Variants in VSTM4 observed in about 807,000 individuals in gnomAD.
The protein encoded by VSTM4 is V-set and transmembrane domain-containing protein 4.
In VSTM4, 20 loss-of-function variants were observed where a neutral mutation model predicts 36.4. The ratio of observed to expected loss-of-function variants is 0.55; its 90% confidence interval spans 0.39 to 0.80. The LOEUF is 0.80. Ranked by LOEUF, VSTM4 falls within the 30% of genes least tolerant of loss-of-function variation. The pLI is 0.00. For missense variants in VSTM4, 392 were observed against 404.5 expected (o/e 0.97, Z 0.26); for synonymous variants, 182 against 173.9 (o/e 1.05, Z -0.37).
Position 49,018,457 on chromosome 10 carries a change from A to C in VSTM4, c.*1193T>G, listed in dbSNP as rs1343946831. The C allele has an allele frequency of 6.6e-6, 1 of 152,232 alleles. No individual in the cohort carries two copies. Among genetic ancestry groups the C allele is most frequent in the Non-Finnish European group, 1.5e-5 (1 of 68,032 alleles). 9.4% of individuals were successfully genotyped at this position (152,232 alleles called of 1,614,324 possible). On this transcript the variant is annotated 3_prime_UTR_variant, in exon 8 of 8. Coordinates refer to ENST00000332853, the MANE Select transcript of VSTM4 (RefSeq NM_001031746.5). ...CTCATACCCCAGCTGTGTTTAAAAT[A>C]GATAATTTATCATATATACATGGTC... is the stretch of plus-strand genomic sequence containing the variant.
chr10:49,081,805 G>A (rs1310832407), intron 3 of VSTM4, among the ~76,000 whole-genome samples: 4 of 152,206 alleles, frequency 2.6e-5, no homozygotes, highest in Admixed American at 1.3e-4. Context: ...ACCGGTCATG[G>A]CCACTCTCTG....
chr10:49,069,995 G>A lies in VSTM4; in HGVS notation c.635-5259C>T, dbSNP rs935496032. ...CGGCCGGGCGCGGTGGCTCACGCCT[G>A]TAATCCCAGCACTTTGGGAGGCCGA... On this transcript the variant is annotated intron_variant, in intron 4 of 7. Transcript: ENST00000332853. Among the ~76,000 whole-genome samples, 2 of 61,974 alleles carry A rather than the reference G, an allele frequency of 3.2e-5. 1 individual carries two copies. The highest frequency in any genetic ancestry group is 6.1e-5 in the Non-Finnish European group (2 of 32,834). 40.7% of individuals were successfully genotyped at this position (61,974 alleles called of 152,430 possible). A position where few individuals can be genotyped will look rare whatever the true frequency, so the allele number is the denominator to read the frequency against.
intron 3 of VSTM4, among the ~76,000 whole-genome samples, chr10:49,079,456 G>C (rs547809967): frequency 3.7e-4 from 57 of 152,294 alleles, no homozygotes; most frequent in Non-Finnish European, 7.2e-4. Context: ...AAGTGAAAAG[G>C]GAAGCCAAAA....
At chr10:49,040,138 C>G (rs545202700) in intron 7 of VSTM4, among the ~76,000 whole-genome samples, 3 of 152,308 alleles carry the variant, frequency 2.0e-5, no homozygotes, top group Non-Finnish European at 4.4e-5. Flanking sequence ...CAGTGTCAGA[C>G]AGAAAGCGCC....
intron 7 of VSTM4, among the ~76,000 whole-genome samples, chr10:49,021,130 C>G (rs1000208522): frequency 6.6e-6 from 1 of 150,450 alleles, no homozygotes; most frequent in Non-Finnish European, 1.5e-5. Context: ...TTATTCAAAT[C>G]TAGTGATATT....
In VSTM4 at chr10:49,017,836, A is replaced by C. The variant is rs1843125854; in HGVS notation, c.*1814T>G. 6.6e-6 allele frequency: 1 copy of C among 152,234 alleles called. No individual in the cohort carries two copies. The highest frequency in any genetic ancestry group is 2.1e-4 in the South Asian group (1 of 4,826). The allele number at this position is 152,234 out of a possible 1,614,324, so 9.4% of individuals were successfully genotyped here. On this transcript the variant is annotated 3_prime_UTR_variant, in exon 8 of 8. Coordinates refer to ENST00000332853, the MANE Select transcript of VSTM4 (RefSeq NM_001031746.5). ...GTCAGAACACTGCCATGATAAAATTAAAAATCCCTGTGATAATTATTATAT... is the reference window on the plus strand; with the variant it reads ...GTCAGAACACTGCCATGATAAAATTCAAAATCCCTGTGATAATTATTATAT...
chr10:49,042,487 T>C (rs1287105961), intron 7 of VSTM4, among the ~76,000 whole-genome samples: 6 of 152,174 alleles, frequency 3.9e-5, no homozygotes, highest in African/African-American at 1.4e-4. Flanking sequence ...GGATCACATA[T>C]AGAGAGCAGC....
At chr10:49,020,751 G>GGAA (rs1457950473) in intron 7 of VSTM4, among the ~76,000 whole-genome samples, 1 of 141,324 alleles carries the variant, frequency 7.1e-6, no homozygotes, top group African/African-American at 2.6e-5. Context: ...AAGGAAGGAA[G>GGAA]GGAGGGAGGG....
At chr10:49,094,769 ATTCTCAGTG>A (rs67416639) in intron 2 of VSTM4, among the ~76,000 whole-genome samples, 14,209 of 152,142 alleles carry the variant, frequency 0.093, 904 homozygotes, top group South Asian at 0.21. Flanking sequence ...CTGGATCAAC[ATTCTCAGTG>A]GCAGGGGGTG....
intron 7 of VSTM4, among the ~76,000 whole-genome samples, chr10:49,039,212 A>G (rs1843480767): frequency 6.6e-6 from 1 of 151,964 alleles, no homozygotes; most frequent in Non-Finnish European, 1.5e-5. Context: ...CTGCGGGAGG[A>G]TGAGGCAGGC....
chr10:49,079,174 G>A (rs1380245684), intron 3 of VSTM4, among the ~76,000 whole-genome samples: 1 of 151,936 alleles, frequency 6.6e-6, no homozygotes, highest in Non-Finnish European at 1.5e-5. Flanking sequence ...ATAAAAAGTT[G>A]TCTAAGTTGA....
chr10:49,067,760 C>G (rs1199619566), intron 4 of VSTM4, among the ~76,000 whole-genome samples: 2 of 152,356 alleles, frequency 1.3e-5, no homozygotes, highest in Admixed American at 1.3e-4. Context: ...GCGGCCTCCG[C>G]AACCTAATAC....
chr10:49,077,063 G>A (rs1356215583), intron 4 of VSTM4, among the ~76,000 whole-genome samples, 156 bp downstream of exon 4: 2 of 152,176 alleles, frequency 1.3e-5, no homozygotes, highest in Non-Finnish European at 2.9e-5. Flanking sequence ...GAGTCCAAGG[G>A]AAACACAGCT....
intron 2 of VSTM4, among the ~76,000 whole-genome samples, chr10:49,096,906 AC>A (rs368761557): frequency 8.4e-4 from 128 of 151,776 alleles, no homozygotes; most frequent in African/African-American, 3.0e-3. Context: ...ACCCACCTCA[AC>A]CTCCCAAAGT....
At chr10:49,035,886 A>G (rs1015570801) in intron 7 of VSTM4, among the ~76,000 whole-genome samples, 3 of 152,178 alleles carry the variant, frequency 2.0e-5, no homozygotes, top group African/African-American at 7.2e-5. Flanking sequence ...TGTGTCACTT[A>G]GCCCACCTTC....
At chr10:49,067,732 A>G (rs1250700915) in intron 4 of VSTM4, among the ~76,000 whole-genome samples, 1 of 152,208 alleles carries the variant, frequency 6.6e-6, no homozygotes, top group African/African-American at 2.4e-5. Context: ...GCCATGCAGT[A>G]TGTGGTACTT....
At chr10:49,098,137 C>A (rs1451871565) in intron 2 of VSTM4, among the ~76,000 whole-genome samples, 1 of 152,184 alleles carries the variant, frequency 6.6e-6, no homozygotes, top group African/African-American at 2.4e-5. Flanking sequence ...CTTATGCTCC[C>A]TCAATTCTCA....
intron 3 of VSTM4, among the ~76,000 whole-genome samples, chr10:49,082,298 G>A (rs1844293003): frequency 6.6e-6 from 1 of 152,216 alleles, no homozygotes; most frequent in Non-Finnish European, 1.5e-5. Context: ...AAAGGTTGAA[G>A]CCAGACCTTT....
chr10:49,037,940 G>A (rs2264556), intron 7 of VSTM4, among the ~76,000 whole-genome samples: 140,981 of 149,532 alleles, frequency 0.94, 66,843 homozygotes, highest in South Asian at 1. Context: ...TACTATCAAA[G>A]AAAAAAAAAA....
Sources: gnomAD v4.1 joint callset for allele counts (sites outside exome capture counted in the v4.1 genomes callset) on GRCh38, gnomAD v4.1.1 for gene constraint, MANE v1.5 for transcripts, NCBI Gene and HGNC (gene_info 2026-07-23, HGNC 2026-07-21) for gene names.